The following GFM1 variants were observed in gnomAD, a reference collection of about 807,000 sequenced individuals.
The protein encoded by GFM1 is elongation factor G, mitochondrial.
Under a neutral mutation model 96.2 loss-of-function variants are expected in GFM1, and 62 were observed. That is an observed-to-expected ratio of 0.64 (90% CI 0.53 to 0.80). The LOEUF is 0.80. GFM1 is among the 30% of genes least tolerant of loss of function. GFM1 has a pLI of 0.00. For synonymous variants in GFM1, 282 were observed against 312.9 expected (o/e 0.90, Z 1.04); for missense variants, 852 against 916.6 (o/e 0.93, Z 0.91).
chr3:158,667,379 A>T (rs992913792), intron 13 of GFM1, among the ~76,000 whole-genome samples: 12 of 152,244 alleles, frequency 7.9e-5, no homozygotes, highest in African/African-American at 2.7e-4. Context: ...CTTGTTATTT[A>T]AGAATGCTCT....
intron 1 of GFM1, chr3:158,644,981 T>G (rs891011548): frequency 3.5e-5 from 1 of 28,424 alleles, no homozygotes; most frequent in Non-Finnish European, 6.3e-5. Flanking sequence ...TTTTCTAAGG[T>G]TTTTTTTTTT....
intron 13 of GFM1, among the ~76,000 whole-genome samples, chr3:158,668,378 AT>A (rs916670133): frequency 6.6e-6 from 1 of 152,028 alleles, no homozygotes; most frequent in Non-Finnish European, 1.5e-5. Context: ...GCTACCATCC[AT>A]TTTTTTCCCC....
Position 158,654,939 on chromosome 3 carries a change from T to G in GFM1, c.1083+308T>G, listed in dbSNP as rs568269943. ...AATGGTCCATGTTTCTATAAATAGT[T>G]TAAGCATTTTAAATAGTAGCATAAC... On this transcript the variant is annotated intron_variant, in intron 8 of 17. Transcript: ENST00000486715. Among the ~76,000 whole-genome samples the G allele has an allele frequency of 2.0e-5, 3 of 152,304 alleles. No individual in the cohort carries two copies. The South Asian group carries it at 6.2e-4, about 32-fold the overall frequency.
chr3:158,662,710 A>G (rs376105152), intron 11 of GFM1, 26 bp downstream of exon 11: 29 of 1,397,152 alleles, frequency 2.1e-5, no homozygotes, highest in Non-Finnish European at 2.7e-5. Context: ...AAAGCTCAGT[A>G]TATCACAATT....
intron 13 of GFM1, among the ~76,000 whole-genome samples, chr3:158,673,466 G>A (rs886318813): frequency 5.3e-5 from 8 of 151,094 alleles, no homozygotes; most frequent in South Asian, 2.1e-4. Context: ...GTTTGGCCAA[G>A]GTCTTCGCTG....
intron 9 of GFM1, among the ~76,000 whole-genome samples, chr3:158,659,681 G>A (rs7648050): frequency 0.16 from 24,122 of 152,134 alleles, 1,994 homozygotes; most frequent in South Asian, 0.22. Context: ...TTAGGCCTTG[G>A]AAGGAATACT....
intron 5 of GFM1, chr3:158,650,024 C>T (rs1722166391): frequency 6.5e-7 from 1 of 1,535,872 alleles, no homozygotes; most frequent in Non-Finnish European, 8.7e-7. Flanking sequence ...GAGGGATTTC[C>T]TTCCTCTGCT....
At chr3:158,684,381 C>A in intron 14 of GFM1, 143 bp from the exon 15 acceptor site, 2 of 786,112 alleles carry the variant, frequency 2.5e-6, no homozygotes, top group Non-Finnish European at 4.1e-6. Context: ...AGTTGTTAAA[C>A]ATTTTTAAAA....
At chr3:158,649,253 T>C (rs1576727184) in intron 5 of GFM1, 96 bp downstream of exon 5, 1 of 676,900 alleles carries the variant, frequency 1.5e-6, no homozygotes, top group South Asian at 1.6e-5. Flanking sequence ...AACTATCTTT[T>C]TGAAATGCGA....
At position 158,693,515 on chromosome 3, in the gene GFM1, A is replaced by G. The variant is rs1726440943; in HGVS notation, c.*2048A>G. The G allele has an allele frequency of 6.6e-6, 1 of 152,242 alleles. No individual in the cohort carries two copies. Among genetic ancestry groups the G allele is most frequent in the South Asian group, 2.1e-4 (1 of 4,832 alleles). 9.4% of individuals were successfully genotyped at this position (152,242 alleles called of 1,614,324 possible). A position where few individuals can be genotyped will look rare whatever the true frequency, so the allele number is the denominator to read the frequency against. On this transcript the variant is annotated 3_prime_UTR_variant, in exon 18 of 18. Coordinates refer to ENST00000486715, the MANE Select transcript of GFM1 (RefSeq NM_024996.7). ...CCTAGCTGGTGGGAGTAATTAGAAT[A>G]GGTTCACAAATGGACAGATCAGGAC... is the stretch of plus-strand genomic sequence containing the variant.
In GFM1 at chr3:158,692,829, C is replaced by T. The variant is rs140311297; in HGVS notation, c.*1362C>T. 1.9e-4 allele frequency among the ~76,000 whole-genome samples: 29 copies of T among 152,058 alleles called. No individual in the cohort carries two copies. Among genetic ancestry groups the T allele is most frequent in the African/African-American group, 7.0e-4 (29 of 41,488 alleles). ...ATCTCAGCTGCCTAAGTAGGTGGGA[C>T]TACAGGTGTGCGCCACCACTCCCTG... On this transcript the variant is annotated 3_prime_UTR_variant, in exon 18 of 18. Transcript: ENST00000486715.
At chr3:158,654,455 T>G (rs1722575114) in intron 7 of GFM1, 92 bp from the exon 8 acceptor site, 1 of 822,634 alleles carries the variant, frequency 1.2e-6, no homozygotes, top group Admixed American at 2.1e-5. Context: ...CACACGTGCT[T>G]TTTCTCAGAT....
At chr3:158,666,606 T>C in intron 13 of GFM1, 2 of 1,550,118 alleles carry the variant, frequency 1.3e-6, no homozygotes, top group Non-Finnish European at 1.8e-6. Flanking sequence ...GGCATACACA[T>C]CAATAGACAT....
intron 10 of GFM1, 63 bp from the exon 11 acceptor site, chr3:158,662,565 C>A: frequency 1.1e-6 from 1 of 917,348 alleles, no homozygotes; most frequent in Non-Finnish European, 1.8e-6. Context: ...TAAAATTAAT[C>A]TATCCCTGAC....
At chr3:158,657,980 T>G (rs1257919922) in intron 8 of GFM1, among the ~76,000 whole-genome samples, 1 of 152,106 alleles carries the variant, frequency 6.6e-6, no homozygotes, top group Non-Finnish European at 1.5e-5. Context: ...GAAAAATTTC[T>G]GTTTTTACCT....
At chr3:158,658,241 A>G (rs1400319375) in intron 8 of GFM1, among the ~76,000 whole-genome samples, 1 of 137,662 alleles carries the variant, frequency 7.3e-6, no homozygotes, top group Non-Finnish European at 1.5e-5. Context: ...ATCTCGGCTC[A>G]CTGCAACCTC....
intron 8 of GFM1, among the ~76,000 whole-genome samples, 189 bp from the exon 9 acceptor site, chr3:158,658,733 A>G (rs935098737): frequency 1.3e-5 from 2 of 152,248 alleles, no homozygotes; most frequent in African/African-American, 4.8e-5. Context: ...AAAAGGATTG[A>G]TGAATAACAG....
chr3:158,680,045 C>A (rs182348205), intron 13 of GFM1, among the ~76,000 whole-genome samples: 3 of 152,212 alleles, frequency 2.0e-5, no homozygotes, highest in African/African-American at 7.2e-5. Flanking sequence ...AAAGTCAAAA[C>A]AAATCTGCAA....
At chr3:158,652,827 T>G (rs1722406154) in intron 6 of GFM1, among the ~76,000 whole-genome samples, 1 of 152,236 alleles carries the variant, frequency 6.6e-6, no homozygotes. Context: ...TATACAAAGG[T>G]AAACAGTAAA....
Sources: gnomAD v4.1 joint callset for allele counts (sites outside exome capture counted in the v4.1 genomes callset) on GRCh38, gnomAD v4.1.1 for gene constraint, MANE v1.5 for transcripts, NCBI Gene and HGNC (gene_info 2026-07-23, HGNC 2026-07-21) for gene names.